Variants in SYNE2 observed in about 807,000 individuals in gnomAD.
The protein encoded by SYNE2 is spectrin repeat containing nuclear envelope protein 2.
A neutral mutation model predicts 856.3 loss-of-function variants in SYNE2; 431 were observed. The observed-to-expected ratio is 0.50, with a 90% CI of 0.47 to 0.55. The LOEUF (loss-of-function observed/expected upper bound fraction) is 0.55. Ranked by LOEUF, SYNE2 falls within the 20% of genes least tolerant of loss-of-function variation. The pLI, the probability that SYNE2 is intolerant of heterozygous loss-of-function variation, is 0.00. For synonymous variants in SYNE2, 2,923 were observed against 2,872.3 expected (o/e 1.02, Z -0.56); for missense variants, 8,129 against 8,023.2 (o/e 1.01, Z -0.50).
At chr14:63,921,789 T>C (rs1388346928) in intron 2 of SYNE2, among the ~76,000 whole-genome samples, 1 of 152,092 alleles carries the variant, frequency 6.6e-6, no homozygotes, top group Non-Finnish European at 1.5e-5. Context: ...GAAGTAAAAA[T>C]AGCCAGTGTA....
At chr14:63,790,994 G>C (rs1198360747) in intron 1 of SYNE2, among the ~76,000 whole-genome samples, 1 of 151,698 alleles carries the variant, frequency 6.6e-6, no homozygotes, top group African/African-American at 2.4e-5. Context: ...GAGTCTCGCT[G>C]TCGCCCAGGC....
rs772731543 is a variant in SYNE2 at position 63,940,674 on chromosome 14, G to C, written c.140G>C (p.Arg47Thr). 1 of 1,614,064 alleles carries C rather than the reference G, an allele frequency of 6.2e-7. No individual in the cohort carries two copies. The highest frequency in any genetic ancestry group is 1.1e-5 in the South Asian group (1 of 91,082). ...FTCWINSQLA[R>T]HTSPSVISDL... ...TGCTGGATAAACTCACAGTTGGCCAGGGTAAGCAAATGAAGACCAAATTAG... is the reference window on the plus strand; with the variant it reads ...TGCTGGATAAACTCACAGTTGGCCACGGTAAGCAAATGAAGACCAAATTAG... Residue 47 changes from arginine to threonine, a missense_variant and splice_region_variant, in exon 3 of 116, where the codon AGG becomes ACG. Arg to Thr is a moderately conservative substitution (Grantham distance 71, BLOSUM62 -1). Transcript: ENST00000555002.
chr14:63,899,540 C>CA (rs2095307518), intron 1 of SYNE2, among the ~76,000 whole-genome samples: 1 of 151,238 alleles, frequency 6.6e-6, no homozygotes, highest in African/African-American at 2.4e-5. Flanking sequence ...CTTGCTCTGT[C>CA]ACCCAGGCTG....
chr14:63,948,738 A>ATATAT (rs1566883322), intron 6 of SYNE2, among the ~76,000 whole-genome samples: 3 of 73,738 alleles, frequency 4.1e-5, no homozygotes, highest in Non-Finnish European at 8.8e-5. Context: ...ATATGTGTAT[A>ATATAT]GATATGTGTG....
At position 64,017,676 on chromosome 14, in the gene SYNE2, GTC is replaced by G; in HGVS notation, c.4970_4971del (p.Val1657AspfsTer2). The G allele has an allele frequency of 6.2e-7, 1 of 1,613,604 alleles. No individual in the cohort carries two copies. The highest frequency in any genetic ancestry group is 8.5e-7 in the Non-Finnish European group (1 of 1,179,700). Reference sequence around the variant, plus strand: ...GGACAAACTTTTTAACTTAAAAAATGTCATTGATGAGTGGACAGAAAAGGCCC... The same window carrying G: ...GGACAAACTTTTTAACTTAAAAAATGATTGATGAGTGGACAGAAAAGGCCC... ...LWDKLFNLKN[V>X]IDEWTEKALQ... On this transcript the variant is annotated frameshift_variant, in exon 34 of 116. Transcript: ENST00000555002. LOFTEE classifies it high-confidence loss of function.
At chr14:64,177,059 A>G (rs1434898103) in intron 95 of SYNE2, among the ~76,000 whole-genome samples, 1 of 152,142 alleles carries the variant, frequency 6.6e-6, no homozygotes, top group Non-Finnish European at 1.5e-5. Context: ...CAGCCTCCCA[A>G]AGTGCTGGGA....
intron 7 of SYNE2, among the ~76,000 whole-genome samples, chr14:63,950,939 G>C (rs1413453258): frequency 6.6e-6 from 1 of 151,806 alleles, no homozygotes; most frequent in African/African-American, 2.4e-5. Flanking sequence ...TTACAGGTGT[G>C]AGCTACCACA....
In SYNE2 at chr14:64,039,116, A is replaced by T. The variant is rs1473117714; in HGVS notation, c.7221+7759A>T. ...GATCTGGCTTTTGGTTTTGTCTCTA[A>T]TGGTGATGATGTATGCTTATGCAAG... On this transcript the variant is annotated intron_variant, in intron 45 of 115. Coordinates refer to ENST00000555002, the MANE Select transcript of SYNE2 (RefSeq NM_182914.3). Among the ~76,000 whole-genome samples the T allele has an allele frequency of 3.9e-5, 6 of 152,288 alleles. No homozygotes were observed. In the East Asian group the frequency reaches 1.2e-3, roughly 29 times the overall value.
chr14:64,053,355 G>A lies in SYNE2; in HGVS notation c.9442G>A (p.Glu3148Lys), dbSNP rs371734893. 8 of 1,613,448 alleles carry A rather than the reference G, an allele frequency of 5.0e-6. No homozygotes were observed. In the African/African-American group the frequency reaches 1.1e-4, roughly 22 times the overall value. The change falls in exon 48 of 116, where the codon GAA becomes AAA. Residue 3148 changes from glutamate to lysine, a missense_variant. Around this residue, in one of 3 missense-constraint regions of SYNE2, gnomAD observed 5,410 missense variants for 5,284.8 expected, o/e 1.02. Transcript: ENST00000555002. ...QNMVLELSPKELDEKNCQDKL... is the reference protein window; with the variant it reads ...QNMVLELSPKKLDEKNCQDKL... Reference sequence around the variant, plus strand: ...CATGGTATTAGAACTCTCACCAAAAGAATTGGATGAAAAGAATTGTCAGGA... The same window carrying A: ...CATGGTATTAGAACTCTCACCAAAAAAATTGGATGAAAAGAATTGTCAGGA...
chr14:64,073,340 C>T (rs934573617), intron 52 of SYNE2, among the ~76,000 whole-genome samples: 1 of 152,108 alleles, frequency 6.6e-6, no homozygotes, highest in African/African-American at 2.4e-5. Flanking sequence ...CAGGAAATTA[C>T]AAAGGGCTTA....
At chr14:64,206,697 A>G (rs1288403639) in intron 100 of SYNE2, among the ~76,000 whole-genome samples, 3 of 152,130 alleles carry the variant, frequency 2.0e-5, no homozygotes, top group African/African-American at 7.2e-5. Flanking sequence ...TAAATAATGT[A>G]GGATAATTGC....
At chr14:63,965,565 T>G (rs1415659849) in intron 10 of SYNE2, among the ~76,000 whole-genome samples, 2 of 152,200 alleles carry the variant, frequency 1.3e-5, no homozygotes, top group African/African-American at 4.8e-5. Context: ...GCCTGTTGTC[T>G]ATACAGCACT....
intron 1 of SYNE2, among the ~76,000 whole-genome samples, chr14:63,826,278 C>CA (rs34998475): frequency 0.57 from 86,876 of 151,832 alleles, 25,351 homozygotes; most frequent in South Asian, 0.69. Flanking sequence ...ACAAGCATGC[C>CA]AAAAAAATCA....
chr14:64,201,831 G>A (rs1269782743), intron 99 of SYNE2, among the ~76,000 whole-genome samples: 1 of 152,098 alleles, frequency 6.6e-6, no homozygotes, highest in Non-Finnish European at 1.5e-5. Context: ...TTGATAAGTG[G>A]GAACTTTCCA....
chr14:64,005,851 G>A (rs570272968), intron 30 of SYNE2, among the ~76,000 whole-genome samples: 1 of 152,118 alleles, frequency 6.6e-6, no homozygotes, highest in African/African-American at 2.4e-5. Context: ...CAAGAGAAGA[G>A]GTCCAAGTTG....
At chr14:63,811,111 A>C (rs1361887284) in intron 1 of SYNE2, among the ~76,000 whole-genome samples, 1 of 152,208 alleles carries the variant, frequency 6.6e-6, no homozygotes, top group African/African-American at 2.4e-5. Flanking sequence ...CTGGGATTAC[A>C]GACGTGAGCC....
At chr14:64,198,605 A>C (rs139930794) in intron 99 of SYNE2, among the ~76,000 whole-genome samples, 215 of 152,276 alleles carry the variant, frequency 1.4e-3, no homozygotes, top group Non-Finnish European at 2.7e-3. Flanking sequence ...GTGCTTTGTC[A>C]CTTGGTGACC....
At chr14:63,863,866 CAG>C (rs879915606) in intron 1 of SYNE2, among the ~76,000 whole-genome samples, 95,210 of 151,306 alleles carry the variant, frequency 0.63, 30,405 homozygotes, top group South Asian at 0.77. Context: ...CCCTTGTTGC[CAG>C]CGCTGGAGTG....
At chr14:63,816,141 G>A (rs2139848260) in intron 1 of SYNE2, among the ~76,000 whole-genome samples, 1 of 151,950 alleles carries the variant, frequency 6.6e-6, no homozygotes, top group South Asian at 2.1e-4. Context: ...TAGATACGGG[G>A]TTTCACCATG....
Sources: gnomAD v4.1 joint callset for allele counts (sites outside exome capture counted in the v4.1 genomes callset) on GRCh38, gnomAD v4.1.1 for gene constraint, gnomAD v4.1.1 regional missense constraint, MANE v1.5 for transcripts, NCBI Gene and HGNC (gene_info 2026-07-23, HGNC 2026-07-21) for gene names.